The following FAM241A variants were observed in gnomAD, a reference collection of about 807,000 sequenced individuals.
FAM241A encodes family with sequence similarity 241 member A, also known as uncharacterized protein FAM241A.
In FAM241A, 7 loss-of-function variants were observed where a neutral mutation model predicts 12.2. The observed-to-expected ratio is 0.58, with a 90% CI of 0.33 to 1.08. The LOEUF (loss-of-function observed/expected upper bound fraction) is 1.08. FAM241A is among the 50% of genes least tolerant of loss of function. The probability of loss-of-function intolerance (pLI) is 0.04; values close to 1 mark genes in which losing one functional copy is unlikely to be tolerated. For synonymous variants in FAM241A, 74 were observed against 68.2 expected, an observed-to-expected ratio of 1.08 and a Z score of -0.42; for missense variants, 161 against 169.7, an observed-to-expected ratio of 0.95 and a Z score of 0.29.
At chr4:112,178,996 A>G (rs1723875707) in intron 1 of FAM241A, among the ~76,000 whole-genome samples, 1 of 152,196 alleles carries the variant, frequency 6.6e-6, no homozygotes, top group Non-Finnish European at 1.5e-5. Context: ...GCTGTGGAGA[A>G]AAGGGAATGC....
chr4:112,172,864 GT>G (rs1021517889), intron 1 of FAM241A, among the ~76,000 whole-genome samples: 5 of 152,038 alleles, frequency 3.3e-5, no homozygotes, highest in African/African-American at 1.2e-4. Flanking sequence ...TTTATTTGCT[GT>G]TTTTTTCTTT....
intron 1 of FAM241A, among the ~76,000 whole-genome samples, chr4:112,164,713 G>T (rs565374932): frequency 3.0e-4 from 46 of 152,200 alleles, no homozygotes; most frequent in African/African-American, 1.0e-3. Flanking sequence ...CCTGACAAGC[G>T]ATTAATAACC....
At chr4:112,183,179 A>G (rs1723975221) in intron 1 of FAM241A, among the ~76,000 whole-genome samples, 1 of 152,070 alleles carries the variant, frequency 6.6e-6, no homozygotes, top group Admixed American at 6.5e-5. Context: ...ATTAAGAAGT[A>G]TTTCAGTAAG....
rs768906679 is a variant in FAM241A at position 112,188,875 on chromosome 4, T to C, written c.*1937T>C. 2 of 152,172 alleles carry C rather than the reference T, an allele frequency of 1.3e-5. No individual in the cohort carries two copies. Among genetic ancestry groups the C allele is most frequent in the African/African-American group, 2.4e-5 (1 of 41,448 alleles). 9.4% of individuals were successfully genotyped at this position (152,172 alleles called of 1,614,324 possible). ...TCTGCACACTGGTGTTAATAGGGTA[T>C]ATATTAAATTATATAAAGAAATAAG... On this transcript the variant is annotated 3_prime_UTR_variant, in exon 2 of 2. Transcript: ENST00000309733.
chr4:112,186,625 G>T, intron 1 of FAM241A, 68 bp from the exon 2 acceptor site: 1 of 1,415,478 alleles, frequency 7.1e-7, no homozygotes, highest in East Asian at 2.3e-5. Flanking sequence ...GAAGAACTAA[G>T]GTTCTTAAAG....
At chr4:112,186,331 C>CA (rs1474525442) in intron 1 of FAM241A, among the ~76,000 whole-genome samples, 1 of 152,118 alleles carries the variant, frequency 6.6e-6, no homozygotes, top group East Asian at 1.9e-4. Context: ...TAACAGCAAA[C>CA]ATGCTTTGGT....
intron 1 of FAM241A, among the ~76,000 whole-genome samples, chr4:112,180,435 T>G (rs907058605): frequency 3.3e-5 from 5 of 152,208 alleles, no homozygotes; most frequent in Admixed American, 1.3e-4. Flanking sequence ...GTGTCCTCTT[T>G]ATACAGTATT....
chr4:112,179,220 G>A (rs1363633960), intron 1 of FAM241A, among the ~76,000 whole-genome samples: 1 of 152,134 alleles, frequency 6.6e-6, no homozygotes, highest in Non-Finnish European at 1.5e-5. Flanking sequence ...GTCCTGAATG[G>A]TATTGCCTAG....
intron 1 of FAM241A, among the ~76,000 whole-genome samples, chr4:112,149,978 T>C (rs561963803): frequency 1.3e-5 from 2 of 152,128 alleles, no homozygotes; most frequent in Admixed American, 1.3e-4. Flanking sequence ...ATTTCGTATA[T>C]ACACACACCA....
chr4:112,179,992 A>G (rs1449835419), intron 1 of FAM241A, among the ~76,000 whole-genome samples: 1 of 114,180 alleles, frequency 8.8e-6, no homozygotes, highest in Non-Finnish European at 1.7e-5. Flanking sequence ...TACATAATGT[A>G]TATATATTAT....
chr4:112,181,442 T>C (rs1446441479), intron 1 of FAM241A, among the ~76,000 whole-genome samples: 2 of 152,246 alleles, frequency 1.3e-5, no homozygotes, highest in Non-Finnish European at 2.9e-5. Flanking sequence ...GATGTTTCTA[T>C]ATGCTGCTAT....
intron 1 of FAM241A, among the ~76,000 whole-genome samples, chr4:112,151,441 A>AT (rs983453400): frequency 3.3e-5 from 5 of 152,134 alleles, no homozygotes; most frequent in East Asian, 1.9e-4. Context: ...TCTGTGTCTG[A>AT]TTTTTTTATA....
rs76489247 is a variant in FAM241A at position 112,189,863 on chromosome 4, T to G, written c.*2925T>G. 7.0e-6 allele frequency: 1 copy of G among 143,780 alleles called. No individual in the cohort carries two copies. The highest frequency in any genetic ancestry group is 1.5e-5 in the Non-Finnish European group (1 of 66,080). 8.9% of individuals were successfully genotyped at this position (143,780 alleles called of 1,614,324 possible). ...AAATCAGATCTTTTTTTTTTTTTTT[T>G]CCTTGAAAGCCAGCTGTTAAACATA... On this transcript the variant is annotated 3_prime_UTR_variant, in exon 2 of 2. Transcript: ENST00000309733.
intron 1 of FAM241A, among the ~76,000 whole-genome samples, chr4:112,166,718 C>A (rs1480212841): frequency 6.6e-6 from 1 of 152,052 alleles, no homozygotes; most frequent in Admixed American, 6.5e-5. Flanking sequence ...TTGTGAGGAA[C>A]TAATGCTTTG....
intron 1 of FAM241A, among the ~76,000 whole-genome samples, chr4:112,167,753 C>T (rs1334578552): frequency 6.6e-6 from 1 of 152,188 alleles, no homozygotes; most frequent in Non-Finnish European, 1.5e-5. Flanking sequence ...GTATACCCCA[C>T]AGCACTTAAC....
intron 1 of FAM241A, among the ~76,000 whole-genome samples, chr4:112,184,643 C>T (rs999594803): frequency 2.0e-5 from 3 of 152,162 alleles, no homozygotes; most frequent in African/African-American, 7.2e-5. Flanking sequence ...ATCAGTCCCC[C>T]TTGGTACTCA....
intron 1 of FAM241A, among the ~76,000 whole-genome samples, chr4:112,160,796 A>C (rs1006131246): frequency 3.2e-4 from 49 of 152,192 alleles, no homozygotes; most frequent in Admixed American, 3.2e-3. Flanking sequence ...CCAAGAATAT[A>C]CACTAGGGAA....
chr4:112,178,251 A>T lies in FAM241A; in HGVS notation c.154-8442A>T, dbSNP rs114437649. On this transcript the variant is annotated intron_variant, in intron 1 of 1. Coordinates refer to ENST00000309733, the MANE Select transcript of FAM241A (RefSeq NM_152400.3). ...TCTTACATGGCAAAAGGAATTTTGC[A>T]GATGTGATTAAATTTAAGGACTTTG... Among the ~76,000 whole-genome samples the T allele has an allele frequency of 8.4e-3, 1,279 of 152,314 alleles. 16 individuals carry two copies. The highest frequency in any genetic ancestry group is 0.029 in the African/African-American group (1,208 of 41,562).
intron 1 of FAM241A, among the ~76,000 whole-genome samples, chr4:112,153,983 A>G (rs1016600731): frequency 2.6e-5 from 4 of 152,168 alleles, no homozygotes; most frequent in African/African-American, 9.7e-5. Flanking sequence ...TTAATCCAAA[A>G]TAATTTAATT....
Sources: gnomAD v4.1 joint callset for allele counts (sites outside exome capture counted in the v4.1 genomes callset) on GRCh38, gnomAD v4.1.1 for gene constraint, MANE v1.5 for transcripts, NCBI Gene and HGNC (gene_info 2026-07-23, HGNC 2026-07-21) for gene names.